ATG7: variants seen among roughly 807,000 people sequenced by gnomAD.
ATG7 encodes the protein ubiquitin-like modifier-activating enzyme ATG7.
In ATG7, 70 loss-of-function variants were observed where a neutral mutation model predicts 82.4. That is an observed-to-expected ratio of 0.85 (90% CI 0.70 to 1.04). The LOEUF (loss-of-function observed/expected upper bound fraction) is 1.04. Among genes scored for constraint, ATG7 ranks in the 50% least tolerant of loss-of-function variants. The pLI is 0.00. For missense variants in ATG7, 792 were observed against 864.3 expected (o/e 0.92, Z 1.05); for synonymous variants, 287 against 313.0 (o/e 0.92, Z 0.88).
chr3:11,295,628 CCAGT>C (rs1428888829), intron 3 of ATG7, among the ~76,000 whole-genome samples: 2 of 152,136 alleles, frequency 1.3e-5, no homozygotes, highest in African/African-American at 4.8e-5. Context: ...GTTTAAATGA[CCAGT>C]CATTTTCTTT....
intron 18 of ATG7, among the ~76,000 whole-genome samples, chr3:11,365,985 C>T (rs186637445): frequency 1.3e-5 from 2 of 152,034 alleles, no homozygotes; most frequent in African/African-American, 2.4e-5. Context: ...TTTGGGAGGC[C>T]GAGGCGGGTG....
chr3:11,446,501 A>C (rs1313116277), intron 20 of ATG7: 1 of 447,874 alleles, frequency 2.2e-6, no homozygotes, highest in African/African-American at 2.0e-5. Flanking sequence ...TATCTGGTTT[A>C]CTTTTAGCAC....
intron 20 of ATG7, among the ~76,000 whole-genome samples, chr3:11,427,936 G>C (rs182225550): frequency 6.6e-6 from 1 of 152,208 alleles, no homozygotes; most frequent in Non-Finnish European, 1.5e-5. Flanking sequence ...CCTCAGAATT[G>C]ATGAGTGAGA....
intron 3 of ATG7, among the ~76,000 whole-genome samples, chr3:11,294,165 G>A (rs1945473214): frequency 6.6e-6 from 1 of 152,124 alleles, no homozygotes; most frequent in Non-Finnish European, 1.5e-5. Flanking sequence ...AGAGGCCCAG[G>A]AAACAACAGG....
At chr3:11,496,033 T>C (rs901574971) in intron 20 of ATG7, among the ~76,000 whole-genome samples, 8 of 152,186 alleles carry the variant, frequency 5.3e-5, no homozygotes, top group Non-Finnish European at 1.5e-5. Context: ...GCATGCTCCC[T>C]GCATCACAGA....
At chr3:11,314,871 C>T (rs577372196) in intron 8 of ATG7, among the ~76,000 whole-genome samples, 15 of 152,114 alleles carry the variant, frequency 9.9e-5, no homozygotes, top group African/African-American at 3.4e-4. Flanking sequence ...CCCAGGAGGT[C>T]GAGGCTGCAG....
At chr3:11,485,603 T>C (rs1181981194) in intron 20 of ATG7, among the ~76,000 whole-genome samples, 1 of 152,236 alleles carries the variant, frequency 6.6e-6, no homozygotes, top group Non-Finnish European at 1.5e-5. Context: ...GTTTTAGACA[T>C]GAAGTTCTTG....
At chr3:11,391,517 A>G (rs2078799569) in intron 19 of ATG7, among the ~76,000 whole-genome samples, 1 of 152,184 alleles carries the variant, frequency 6.6e-6, no homozygotes, top group Admixed American at 6.5e-5. Context: ...AGGCAGGGAC[A>G]GAAGAGAACC....
chr3:11,315,274 T>C, intron 8 of ATG7, 70 bp from the exon 9 acceptor site: 1 of 1,344,226 alleles, frequency 7.4e-7, no homozygotes, highest in South Asian at 1.7e-5. Flanking sequence ...ACCTTTTTTT[T>C]GAGTTAGTTT....
At chr3:11,560,062 A>T (rs1045954493), downstream of ATG7, among the ~76,000 whole-genome samples, 2 of 146,714 alleles carry the variant, frequency 1.4e-5, no homozygotes, top group African/African-American at 5.1e-5. Flanking sequence ...CTTCACCCCC[A>T]CCCCCACGCT....
At chr3:11,561,891 C>CTTTTT (rs35380668), downstream of ATG7, among the ~76,000 whole-genome samples, 20 of 88,582 alleles carry the variant, frequency 2.3e-4, no homozygotes, top group African/African-American at 7.9e-4. Context: ...CTGCGCCAAA[C>CTTTTT]TTTTTTTTTT....
intron 19 of ATG7, among the ~76,000 whole-genome samples, chr3:11,417,815 ATT>A (rs372904207): frequency 7.7e-5 from 5 of 64,954 alleles, no homozygotes; most frequent in Non-Finnish European, 1.8e-4. Context: ...ATTTTATTTT[ATT>A]TTTTTTTTTT....
chr3:11,497,888 TTGAAA>T (rs1164171599), intron 20 of ATG7, among the ~76,000 whole-genome samples: 2 of 152,160 alleles, frequency 1.3e-5, no homozygotes, highest in African/African-American at 4.8e-5. Flanking sequence ...TTCACGAAAG[TTGAAA>T]TGAAATATTA....
intron 20 of ATG7, among the ~76,000 whole-genome samples, chr3:11,542,833 A>G (rs998763475): frequency 6.6e-6 from 1 of 152,204 alleles, no homozygotes; most frequent in African/African-American, 2.4e-5. Flanking sequence ...CTGTGCCTCA[A>G]GTGTAGCTCG....
intron 20 of ATG7, among the ~76,000 whole-genome samples, chr3:11,480,024 T>C (rs974338712): frequency 6.6e-6 from 1 of 151,496 alleles, no homozygotes; most frequent in Non-Finnish European, 1.5e-5. Context: ...GTCTCTGGGG[T>C]TCACGACATT....
At chr3:11,493,512 C>T (rs1273394908) in intron 20 of ATG7, among the ~76,000 whole-genome samples, 1 of 152,172 alleles carries the variant, frequency 6.6e-6, no homozygotes, top group Non-Finnish European at 1.5e-5. Context: ...GGGTTTCAGG[C>T]TACTTCTGGC....
At chr3:11,549,205 TAAATG>T (rs2071556600) in intron 20 of ATG7, among the ~76,000 whole-genome samples, 1 of 152,222 alleles carries the variant, frequency 6.6e-6, no homozygotes, top group Non-Finnish European at 1.5e-5. Flanking sequence ...GGATTTCATA[TAAATG>T]AAATATGAAG....
At chr3:11,378,871 G>A (rs1178288703) in intron 18 of ATG7, among the ~76,000 whole-genome samples, 1 of 151,814 alleles carries the variant, frequency 6.6e-6, no homozygotes, top group Non-Finnish European at 1.5e-5. Flanking sequence ...TTCGGGGGGT[G>A]GGGGATTTGA....
intron 20 of ATG7, among the ~76,000 whole-genome samples, chr3:11,490,338 A>T (rs12629652): frequency 2.0e-5 from 3 of 151,916 alleles, no homozygotes; most frequent in Non-Finnish European, 4.4e-5. Flanking sequence ...ATCTTCCTCC[A>T]TGCTTTTATT....
Sources: allele counts gnomAD v4.1 joint callset (sites outside exome capture counted in the v4.1 genomes callset), GRCh38; gene constraint gnomAD v4.1.1; transcripts MANE v1.5; gene names NCBI Gene and HGNC (gene_info 2026-07-23, HGNC 2026-07-21).